Variants in USP40 observed in about 807,000 individuals in gnomAD.
The protein encoded by USP40 is ubiquitin carboxyl-terminal hydrolase 40.
A neutral mutation model predicts 166.2 loss-of-function variants in USP40; 143 were observed. That is an observed-to-expected ratio of 0.86 (90% confidence interval 0.75 to 0.99). The LOEUF (loss-of-function observed/expected upper bound fraction) is 0.99. USP40 is among the 50% of genes least tolerant of loss of function. The pLI is 0.00. For missense variants in USP40, 1,444 were observed against 1,479.7 expected, an observed-to-expected ratio of 0.98 and a Z score of 0.40; for synonymous variants, 498 against 524.0, an observed-to-expected ratio of 0.95 and a Z score of 0.68.
At chr2:233,535,430 T>TA (rs1400798351) in intron 10 of USP40, among the ~76,000 whole-genome samples, 1 of 152,190 alleles carries the variant, frequency 6.6e-6, no homozygotes, top group South Asian at 2.1e-4. Flanking sequence ...AGTAACCATT[T>TA]AAAAATGTAA....
At chr2:233,485,083 G>A (rs1262556996) in intron 30 of USP40, among the ~76,000 whole-genome samples, 3 of 152,150 alleles carry the variant, frequency 2.0e-5, no homozygotes, top group Admixed American at 6.5e-5. Flanking sequence ...TTAAAGTCAT[G>A]AACACTGGGT....
intron 18 of USP40, among the ~76,000 whole-genome samples, chr2:233,514,465 G>A (rs1397112604): frequency 6.6e-6 from 1 of 152,194 alleles, no homozygotes; most frequent in Non-Finnish European, 1.5e-5. Context: ...TGTGCACTGA[G>A]AAACGCAGAA....
At chr2:233,565,243 C>A in intron 2 of USP40, 113 bp downstream of exon 2, 2 of 837,410 alleles carry the variant, frequency 2.4e-6, no homozygotes, top group African/African-American at 1.7e-5. Context: ...ACAATAAACA[C>A]ATACTGTAGA....
chr2:233,489,383 G>T lies in USP40; in HGVS notation c.3113C>A (p.Thr1038Asn). The T allele has an allele frequency of 1.3e-6, 2 of 1,595,506 alleles. No homozygotes were observed. The highest frequency in any genetic ancestry group is 2.3e-5 in the South Asian group (2 of 87,476). ...ERKRPGRLLRTDRQPLREYKL... is the reference protein window; with the variant it reads ...ERKRPGRLLRNDRQPLREYKL... ...AACCTACCTGAGTGGCTGCCGGTCAGTTCGTAAAAGCCTGCCTGGGCGCTT... is the reference window on the plus strand; with the variant it reads ...AACCTACCTGAGTGGCTGCCGGTCATTTCGTAAAAGCCTGCCTGGGCGCTT... The change falls in exon 27 of 32, where the codon ACT becomes AAT. Residue 1038 changes from threonine (T) to asparagine (N), a missense_variant. Transcript: ENST00000678225.
chr2:233,529,662 T>C (rs2068336005), intron 11 of USP40, 150 bp from the exon 12 acceptor site: 1 of 498,498 alleles, frequency 2.0e-6, no homozygotes, highest in Non-Finnish European at 3.5e-6. Context: ...AGGATCTCAG[T>C]TTTCCCATCT....
In USP40 at chr2:233,554,507, G is replaced by C. The variant is rs781056247; in HGVS notation, c.566C>G (p.Thr189Arg). 4 of 1,609,330 alleles carry C rather than the reference G, an allele frequency of 2.5e-6. No individual in the cohort carries two copies. In the Admixed American group the frequency reaches 6.8e-5, roughly 27 times the overall value. Residue 189 changes from threonine (T) to arginine (R), a missense_variant, in exon 6 of 32, where the codon ACA becomes AGA. Physicochemically the swap from Thr to Arg is moderately conservative, Grantham distance 71. Coordinates refer to ENST00000678225, the MANE Select transcript of USP40 (RefSeq NM_001365479.2). ...ACCGGATACATTTTTGACTGCTACT[G>C]TTAGATCTAAGAAGTCTTCCTGAAA... Reference protein sequence around the residue: ...SERQEDFLDLTVAVKNVSGLE... With the variant: ...SERQEDFLDLRVAVKNVSGLE...
At chr2:233,526,249 G>C (rs901281562) in intron 13 of USP40, among the ~76,000 whole-genome samples, 1 of 152,146 alleles carries the variant, frequency 6.6e-6, no homozygotes, top group Non-Finnish European at 1.5e-5. Context: ...TTCCTTCTAA[G>C]AGAATAGTTA....
Position 233,491,160 on chromosome 2 carries a change from G to A in USP40, c.3012+7C>T. ...CCACTAAGTTATGGTGCAGGAAGAA[G>A]TCTGACCTGAGACTTCAGCTCCGCC... is the stretch of plus-strand genomic sequence containing the variant. On this transcript the variant is annotated splice_region_variant and intron_variant, in intron 26 of 31. Coordinates refer to ENST00000678225, the MANE Select transcript of USP40 (RefSeq NM_001365479.2). 6.3e-7 allele frequency: 1 copy of A among 1,594,508 alleles called. No homozygotes were observed. The highest frequency in any genetic ancestry group is 8.6e-7 in the Non-Finnish European group (1 of 1,167,362).
At chr2:233,486,000 G>A (rs377528949) in intron 28 of USP40, 23 bp from the exon 29 acceptor site, 63 of 1,547,250 alleles carry the variant, frequency 4.1e-5, no homozygotes, top group South Asian at 1.2e-4. Context: ...ACCGTCAAGC[G>A]CCAGATCCAA....
chr2:233,501,578 T>G (rs1281204865), intron 21 of USP40, among the ~76,000 whole-genome samples: 1 of 152,062 alleles, frequency 6.6e-6, no homozygotes, highest in Non-Finnish European at 1.5e-5. Context: ...TTTGACAGGG[T>G]GGTAGTAATG....
intron 8 of USP40, among the ~76,000 whole-genome samples, chr2:233,543,513 C>T (rs2069614901): frequency 6.6e-6 from 1 of 152,036 alleles, no homozygotes; most frequent in Non-Finnish European, 1.5e-5. Context: ...GAAACCTAAC[C>T]GCCAATGCAA....
intron 31 of USP40, among the ~76,000 whole-genome samples, chr2:233,478,046 C>T (rs1003060867): frequency 2.6e-5 from 4 of 152,268 alleles, no homozygotes; most frequent in Non-Finnish European, 5.9e-5. Context: ...TGTGGCCCAC[C>T]CACGCTGCAC....
rs1309687684 is a variant in USP40 at position 233,533,599 on chromosome 2, C to G, written c.1351G>C (p.Asp451His). 1.2e-6 allele frequency: 2 copies of G among 1,613,662 alleles called. No individual in the cohort carries two copies. The highest frequency in any genetic ancestry group is 1.7e-6 in the Non-Finnish European group (2 of 1,179,808). The change falls in exon 11 of 32, where the codon GAT becomes CAT. Residue 451 changes from aspartate (D) to histidine (H), a missense_variant. By Grantham distance (81) the Asp-to-His change is moderately conservative. Transcript: ENST00000678225. ...GGCTGGACTTTAGAATCATTTATAT[C>G]AAACCAGTGGGGACAGGAGATGCTA... ...NNSISCPHWF[D>H]INDSKVQPIR...
chr2:233,560,796 T>TCTA (rs1303665932), intron 3 of USP40: 3 of 472,066 alleles, frequency 6.4e-6, no homozygotes, highest in Non-Finnish European at 1.1e-5. Context: ...AATACTAGCC[T>TCTA]CTATTTTTTT....
intron 31 of USP40, among the ~76,000 whole-genome samples, chr2:233,477,723 C>T (rs774266134): frequency 1.4e-4 from 21 of 152,380 alleles, no homozygotes; most frequent in African/African-American, 2.9e-4. Context: ...ACTGGCAGCA[C>T]GGCATGGTTC....
At chr2:233,548,435 T>G (rs1332170973) in intron 8 of USP40, among the ~76,000 whole-genome samples, 2 of 152,200 alleles carry the variant, frequency 1.3e-5, no homozygotes, top group African/African-American at 2.4e-5. Flanking sequence ...CTCATTTTAT[T>G]TTTCAGAAAA....
rs2066522580 is a variant in USP40, at chr2:233,507,692, TGTAAG to T, written c.2613+2352_2613+2356del. Among the ~76,000 whole-genome samples, 6 of 146,884 alleles carry T rather than the reference TGTAAG, an allele frequency of 4.1e-5. No individual in the cohort carries two copies. The South Asian group carries it at 1.3e-3, about 33-fold the overall frequency. On this transcript the variant is annotated intron_variant, in intron 21 of 31. Transcript: ENST00000678225. Reference sequence around the variant, plus strand: ...CAGTTACTAGTGACTGAGGGGGAGATGTAAGGGGAGGATGGGAGAGGGTGGTCAAC... The same window carrying T: ...CAGTTACTAGTGACTGAGGGGGAGATGGGAGGATGGGAGAGGGTGGTCAAC...
chr2:233,482,835 T>C (rs765726962), intron 30 of USP40, among the ~76,000 whole-genome samples: 2 of 152,094 alleles, frequency 1.3e-5, no homozygotes, highest in Non-Finnish European at 2.9e-5. Context: ...CGCCTGGCCA[T>C]GTGTGTGGGA....
At chr2:233,514,936 G>C (rs967277974) in intron 18 of USP40, among the ~76,000 whole-genome samples, 1 of 152,104 alleles carries the variant, frequency 6.6e-6, no homozygotes, top group Admixed American at 6.6e-5. Flanking sequence ...TCCCAATCCT[G>C]ATCTGCCTTC....
Sources: allele counts gnomAD v4.1 joint callset (sites outside exome capture counted in the v4.1 genomes callset), GRCh38; gene constraint gnomAD v4.1.1; transcripts MANE v1.5; gene names NCBI Gene and HGNC (gene_info 2026-07-23, HGNC 2026-07-21).